Variants in KDM6A observed in about 807,000 individuals in gnomAD.
The protein encoded by KDM6A is lysine demethylase 6A.
In KDM6A, 11 loss-of-function variants were observed where a neutral mutation model predicts 117.6. The ratio of observed to expected loss-of-function variants is 0.09; its 90% CI spans 0.06 to 0.15. The LOEUF is 0.15. KDM6A is among the 10% of genes least tolerant of loss of function. KDM6A has a pLI of 1.00. For synonymous variants in KDM6A, 384 were observed against 396.1 expected (o/e 0.97, Z 0.36); for missense variants, 799 against 1,077.3 (o/e 0.74, Z 3.62).
intron 4 of KDM6A, among the ~76,000 whole-genome samples, chrX:44,982,212 A>G (rs919218041): frequency 1.1e-4 from 12 of 112,189 alleles, no homozygotes; most frequent in African/African-American, 3.9e-4. Flanking sequence ...GATGGAGAAC[A>G]GTGTTTCAGT....
intron 2 of KDM6A, among the ~76,000 whole-genome samples, chrX:44,940,362 C>T (rs1325532543): frequency 9.0e-6 from 1 of 111,574 alleles, no homozygotes. Flanking sequence ...CTGATGTCAA[C>T]ACACTTAATT....
chrX:45,103,244 C>G (rs960439937), intron 27 of KDM6A, among the ~76,000 whole-genome samples: 2 of 110,825 alleles, frequency 1.8e-5, no homozygotes, highest in Non-Finnish European at 3.8e-5. Flanking sequence ...GCCCCAGAAA[C>G]GTCATGCGAA....
intron 3 of KDM6A, among the ~76,000 whole-genome samples, chrX:44,972,206 A>C (rs187147202): frequency 9.0e-6 from 1 of 111,423 alleles, no homozygotes; most frequent in East Asian, 2.8e-4. Context: ...ATACTTAAGT[A>C]GAATGTCTAA....
In KDM6A at chrX:44,895,012, C is replaced by T. The variant is rs1052546856; in HGVS notation, c.225+21025C>T. ...GAACTCCTGACCTCTGGTGATCCAC[C>T]CACCTTGGCTTCCCGAAGTGCTGGG... On this transcript the variant is annotated intron_variant, in intron 2 of 29. Transcript: ENST00000611820. Among the ~76,000 whole-genome samples, 7 of 110,885 alleles carry T rather than the reference C, an allele frequency of 6.3e-5. 1 individual carries two copies. The Admixed American group carries it at 6.8e-4, about 11-fold the overall frequency.
At chrX:44,904,543 G>C (rs1188155871) in intron 2 of KDM6A, among the ~76,000 whole-genome samples, 4 of 112,057 alleles carry the variant, frequency 3.6e-5, no homozygotes, top group African/African-American at 1.3e-4. Context: ...CAGCCTCTAA[G>C]CTAAACAATT....
chrX:44,997,176 G>A (rs1015838796), intron 4 of KDM6A, among the ~76,000 whole-genome samples: 2 of 112,485 alleles, frequency 1.8e-5, no homozygotes, highest in Non-Finnish European at 3.8e-5. Flanking sequence ...ATACCTTGTC[G>A]CAAGGACAGA....
At chrX:44,893,611 G>A (rs1322552845) in intron 2 of KDM6A, among the ~76,000 whole-genome samples, 2 of 106,160 alleles carry the variant, frequency 1.9e-5, no homozygotes, top group Non-Finnish European at 3.9e-5. Context: ...CTGGGTTCAC[G>A]CCATTCTCCT....
Position 44,957,754 on chromosome X carries a change from C to A in KDM6A, c.226-3530C>A, listed in dbSNP as rs142893805. ...GTAACAATTTTTGTGGAGGGTATTG[C>A]TTTTATCCTCCTTGCTGCAAGATAT... On this transcript the variant is annotated intron_variant, in intron 2 of 29. Coordinates refer to ENST00000611820, the MANE Select transcript of KDM6A (RefSeq NM_001291415.2). Among the ~76,000 whole-genome samples, 947 of 111,322 alleles carry A rather than the reference C, an allele frequency of 8.5e-3. 11 individuals carry two copies. Among genetic ancestry groups the A allele is most frequent in the African/African-American group, 0.03 (911 of 30,585 alleles).
At chrX:44,995,183 A>C (rs1479824729) in intron 4 of KDM6A, among the ~76,000 whole-genome samples, 1 of 111,019 alleles carries the variant, frequency 9.0e-6, no homozygotes, top group African/African-American at 3.3e-5. Flanking sequence ...TCTTGGGTAC[A>C]ACTCTGTGTG....
chrX:45,074,232 A>G (rs753227646), intron 18 of KDM6A, among the ~76,000 whole-genome samples: 12 of 111,497 alleles, frequency 1.1e-4, no homozygotes, highest in Non-Finnish European at 1.7e-4. Flanking sequence ...CCATTGGTCT[A>G]TATCTCTCTT....
intron 2 of KDM6A, among the ~76,000 whole-genome samples, chrX:44,961,039 G>A (rs758124943): frequency 1.5e-4 from 17 of 111,455 alleles, no homozygotes; most frequent in Admixed American, 1.3e-3. Context: ...ATCTTATTTG[G>A]CAAGTATTGT....
At chrX:44,922,554 C>T (rs780646929) in intron 2 of KDM6A, among the ~76,000 whole-genome samples, 16 of 111,735 alleles carry the variant, frequency 1.4e-4, no homozygotes, top group African/African-American at 4.6e-4. Context: ...CTGCAACCTC[C>T]GCATCCCGCG....
At chrX:45,078,137 C>T (rs917890009) in intron 19 of KDM6A, among the ~76,000 whole-genome samples, 7 of 111,958 alleles carry the variant, frequency 6.3e-5, no homozygotes, top group African/African-American at 2.3e-4. Context: ...ATATTTAAAA[C>T]ACTTTGATTT....
intron 27 of KDM6A, chrX:45,106,451 T>C: frequency 3.3e-6 from 1 of 303,597 alleles, no homozygotes; most frequent in Non-Finnish European, 6.5e-6. Flanking sequence ...CCCTAGGTGG[T>C]GAGTAGATAA....
intron 2 of KDM6A, among the ~76,000 whole-genome samples, chrX:44,923,424 G>C (rs995338160): frequency 1.2e-5 from 1 of 85,670 alleles, no homozygotes; most frequent in African/African-American, 4.4e-5. Context: ...ACTGTGCTCT[G>C]TTCATTTTTT....
chrX:45,073,353 A>G (rs931576659), intron 18 of KDM6A, among the ~76,000 whole-genome samples: 3 of 111,637 alleles, frequency 2.7e-5, no homozygotes, highest in Non-Finnish European at 5.6e-5. Context: ...GTGTCTTTAT[A>G]GTAGCATGAT....
At chrX:45,018,488 T>C (rs1486811931) in intron 5 of KDM6A, among the ~76,000 whole-genome samples, 1 of 111,525 alleles carries the variant, frequency 9.0e-6, no homozygotes, top group African/African-American at 3.3e-5. Context: ...CCATGTTTCT[T>C]TGCGCCCGTG....
At chrX:45,097,393 A>T (rs1180829248) in intron 27 of KDM6A, among the ~76,000 whole-genome samples, 2 of 111,611 alleles carry the variant, frequency 1.8e-5, no homozygotes, top group Non-Finnish European at 3.8e-5. Flanking sequence ...AAGGTAATTG[A>T]GTACATTTAT....
intron 2 of KDM6A, among the ~76,000 whole-genome samples, chrX:44,957,310 T>G (rs1173811882): frequency 8.9e-6 from 1 of 111,800 alleles, no homozygotes; most frequent in Non-Finnish European, 1.9e-5. Context: ...AAGAAAAAAG[T>G]TTAAATGTTG....
Sources: allele counts gnomAD v4.1 joint callset (sites outside exome capture counted in the v4.1 genomes callset), GRCh38; gene constraint gnomAD v4.1.1; transcripts MANE v1.5; gene names NCBI Gene and HGNC (gene_info 2026-07-23, HGNC 2026-07-21).